The following ENTPD4 variants were observed in gnomAD, a reference collection of about 807,000 sequenced individuals.
ENTPD4 encodes the protein Golgi UDPase.
A neutral mutation model predicts 79.1 loss-of-function variants in ENTPD4; 60 were observed. The ratio of observed to expected loss-of-function variants is 0.76; its 90% confidence interval spans 0.62 to 0.94. The LOEUF (loss-of-function observed/expected upper bound fraction) is 0.94, where lower values mean the gene tolerates loss of function less well. ENTPD4 is among the 40% of genes least tolerant of loss of function. The pLI is 0.00. For missense variants in ENTPD4, 772 were observed against 775.1 expected, an observed-to-expected ratio of 1.00 and a Z score of 0.05; for synonymous variants, 276 against 292.0, an observed-to-expected ratio of 0.95 and a Z score of 0.56.
chr8:23,435,333 G>C, intron 11 of ENTPD4, 59 bp downstream of exon 11: 1 of 1,222,766 alleles, frequency 8.2e-7, no homozygotes. Context: ...CAAGCCAGTG[G>C]GGCCAACACT....
chr8:23,429,439 C>A lies in ENTPD4; in HGVS notation c.*3487G>T, dbSNP rs546245515. 12 of 985,034 alleles carry A rather than the reference C, an allele frequency of 1.2e-5. No individual in the cohort carries two copies. The East Asian group carries it at 1.4e-3, about 112-fold the overall frequency. The allele number at this position is 985,034 out of a possible 1,614,324, so 61.0% of individuals were successfully genotyped here. A position where few individuals can be genotyped will look rare whatever the true frequency, so the allele number is the denominator to read the frequency against. ...AAGGGAAACTTAGTATCAAAAGAAA[C>A]AAAACACTGAAATAAATAACTAAGT... On this transcript the variant is annotated 3_prime_UTR_variant, in exon 13 of 13. Transcript: ENST00000358689.
chr8:23,448,162 C>T (rs1285345532), intron 3 of ENTPD4, among the ~76,000 whole-genome samples: 1 of 152,160 alleles, frequency 6.6e-6, no homozygotes, highest in Admixed American at 6.5e-5. Flanking sequence ...CAAAAATCAG[C>T]TTAAAACATA....
At chr8:23,434,742 G>T (rs1800526216) in intron 11 of ENTPD4, 1 of 1,271,084 alleles carries the variant, frequency 7.9e-7, no homozygotes, top group Non-Finnish European at 1.0e-6. Context: ...CCCTGAGATA[G>T]GTTTCTTTTC....
chr8:23,432,371 C>T lies in ENTPD4; in HGVS notation c.*555G>A, dbSNP rs1472235798. 1 of 985,498 alleles carries T rather than the reference C, an allele frequency of 1.0e-6. No individual in the cohort carries two copies. Among genetic ancestry groups the T allele is most frequent in the Non-Finnish European group, 1.2e-6 (1 of 830,132 alleles). The allele number at this position is 985,498 out of a possible 1,614,324, so 61.0% of individuals were successfully genotyped here. ...CATTCCTTAGAGAAACCCCAGAAATCTCATTTATTTTTGGCAGATATCCTG... is the reference window on the plus strand; with the variant it reads ...CATTCCTTAGAGAAACCCCAGAAATTTCATTTATTTTTGGCAGATATCCTG... On this transcript the variant is annotated 3_prime_UTR_variant, in exon 13 of 13. Transcript: ENST00000358689.
chr8:23,453,359 A>G (rs530117549), intron 1 of ENTPD4, among the ~76,000 whole-genome samples: 11 of 152,314 alleles, frequency 7.2e-5, no homozygotes, highest in African/African-American at 2.6e-4. Flanking sequence ...CAAGTTTAAA[A>G]CTTCTGTGTG....
chr8:23,453,106 G>C (rs995636227), intron 1 of ENTPD4, among the ~76,000 whole-genome samples: 1 of 152,120 alleles, frequency 6.6e-6, no homozygotes, highest in Non-Finnish European at 1.5e-5. Context: ...GGCAGTGGAG[G>C]AAATAAAACA....
At position 23,432,252 on chromosome 8, in the gene ENTPD4, T is replaced by G. The variant is rs561072424; in HGVS notation, c.*674A>C. On this transcript the variant is annotated 3_prime_UTR_variant, in exon 13 of 13. Coordinates refer to ENST00000358689, the MANE Select transcript of ENTPD4 (RefSeq NM_004901.5). Reference sequence around the variant, plus strand: ...TCATTTCAGGCAGTAAGTTTTTTGGTTCTATGAAAGCATCACTATTCAGTC... The same window carrying G: ...TCATTTCAGGCAGTAAGTTTTTTGGGTCTATGAAAGCATCACTATTCAGTC... The G allele has an allele frequency of 4.7e-5, 46 of 985,384 alleles. No individual in the cohort carries two copies. The African/African-American group carries it at 7.0e-4, about 15-fold the overall frequency. The allele number at this position is 985,384 out of a possible 1,614,324, so 61.0% of individuals were successfully genotyped here.
At position 23,431,747 on chromosome 8, in the gene ENTPD4, GA is replaced by G; in HGVS notation, c.*1178del. 1.0e-6 allele frequency: 1 copy of G among 985,480 alleles called. No individual in the cohort carries two copies. The highest frequency in any genetic ancestry group is 1.2e-6 in the Non-Finnish European group (1 of 829,976). 61.0% of individuals were successfully genotyped at this position (985,480 alleles called of 1,614,324 possible). On this transcript the variant is annotated 3_prime_UTR_variant, in exon 13 of 13. Transcript: ENST00000358689. ...GAAGAAACTGAGGCACGATTAAGCA[GA>G]AACACTGAGGAATACTGAGCAAGAA...
Position 23,441,625 on chromosome 8 carries a change from A to G in ENTPD4, c.826T>C (p.Ser276Pro). The G allele has an allele frequency of 6.2e-7, 1 of 1,614,212 alleles. No individual in the cohort carries two copies. Among genetic ancestry groups the G allele is most frequent in the Non-Finnish European group, 8.5e-7 (1 of 1,180,036 alleles). ...GGGACTTCGTACGCTATCTGAGTCG[A>G]CACGCCGCCCATGTCGAGAATGCCC... ...TAGILDMGGV[S>P]TQIAYEVPKT... The change falls in exon 8 of 13, where the codon TCG (serine) becomes CCG (proline). Residue 276 changes from serine (S) to proline (P), a missense_variant. Transcript: ENST00000358689.
chr8:23,449,180 A>G (rs939957166), intron 2 of ENTPD4, among the ~76,000 whole-genome samples: 1 of 152,226 alleles, frequency 6.6e-6, no homozygotes, highest in Non-Finnish European at 1.5e-5. Flanking sequence ...TTCTCTTGAC[A>G]GTATTATGTA....
In ENTPD4 at chr8:23,448,938, T is replaced by C. The variant is rs1329539264; in HGVS notation, c.10A>G (p.Ile4Val). Residue 4 changes from isoleucine (I) to valine (V), a missense_variant and splice_region_variant, in exon 3 of 13, where the codon ATT becomes GTT. By Grantham distance (29) the Ile-to-Val change is conservative. Coordinates refer to ENST00000358689, the MANE Select transcript of ENTPD4 (RefSeq NM_004901.5). MGR[I>V]GISCLFPASW... Reference sequence around the variant, plus strand: ...GCAGGAAAAAGACAGGAGATGCCAATCCTGAAATTAGAAGGAAAAAGATTT... The same window carrying C: ...GCAGGAAAAAGACAGGAGATGCCAACCCTGAAATTAGAAGGAAAAAGATTT... 5.0e-6 allele frequency: 8 copies of C among 1,611,890 alleles called. No homozygotes were observed. Among genetic ancestry groups the C allele is most frequent in the Non-Finnish European group, 6.8e-6 (8 of 1,178,846 alleles).
intron 1 of ENTPD4, among the ~76,000 whole-genome samples, chr8:23,456,608 G>C (rs1018257339): frequency 1.3e-5 from 2 of 152,192 alleles, no homozygotes; most frequent in East Asian, 1.9e-4. Flanking sequence ...CAAGACCTCT[G>C]TTAAGGTAAA....
rs563952685 is a variant in ENTPD4 at position 23,431,040 on chromosome 8, C to G, written c.*1886G>C. ...AATCCAGGTGAGGGAGCCATGCCCC[C>G]ACAGCTCTTGCCTCAAGGATCAGAT... On this transcript the variant is annotated 3_prime_UTR_variant, in exon 13 of 13. Coordinates refer to ENST00000358689, the MANE Select transcript of ENTPD4 (RefSeq NM_004901.5). The G allele has an allele frequency of 7.4e-4, 675 of 913,280 alleles. 3 individuals are homozygous for G. The highest frequency in any genetic ancestry group is 8.6e-4 in the Non-Finnish European group (657 of 764,190). The allele number at this position is 913,280 out of a possible 1,614,324, so 56.6% of individuals were successfully genotyped here.
At chr8:23,453,441 T>G (rs1306704726) in intron 1 of ENTPD4, among the ~76,000 whole-genome samples, 2 of 152,176 alleles carry the variant, frequency 1.3e-5, no homozygotes, top group African/African-American at 4.8e-5. Flanking sequence ...GTAAAGTGCA[T>G]GACAAAGAGT....
intron 1 of ENTPD4, among the ~76,000 whole-genome samples, chr8:23,456,562 A>T (rs1417416879): frequency 6.6e-6 from 1 of 152,216 alleles, no homozygotes; most frequent in Non-Finnish European, 1.5e-5. Context: ...TTAGAGGTAG[A>T]AGAATATAAG....
At chr8:23,434,230 A>T in intron 12 of ENTPD4, 87 bp downstream of exon 12, 7 of 1,540,674 alleles carry the variant, frequency 4.5e-6, no homozygotes, top group Non-Finnish European at 6.2e-6. Flanking sequence ...GCAATGCCCC[A>T]AACAGCCACA....
chr8:23,436,042 G>C (rs1456223534), intron 10 of ENTPD4, among the ~76,000 whole-genome samples: 1 of 152,208 alleles, frequency 6.6e-6, no homozygotes, highest in African/African-American at 2.4e-5. Flanking sequence ...ACACTGCTGA[G>C]AGGTGGGAGA....
Position 23,430,898 on chromosome 8 carries a change from A to G in ENTPD4, c.*2028T>C, listed in dbSNP as rs142296309. ...GCAGGCAGGTGGCCAAGACCAACTTATTAGGTAGCCAGAAGCTCACCCCTT... is the reference window on the plus strand; with the variant it reads ...GCAGGCAGGTGGCCAAGACCAACTTGTTAGGTAGCCAGAAGCTCACCCCTT... On this transcript the variant is annotated 3_prime_UTR_variant, in exon 13 of 13. Coordinates refer to ENST00000358689, the MANE Select transcript of ENTPD4 (RefSeq NM_004901.5). 5.7e-4 allele frequency: 558 copies of G among 985,480 alleles called. 2 individuals are homozygous for G. The Middle Eastern group carries it at 5.7e-3, about 10-fold the overall frequency. The allele number at this position is 985,480 out of a possible 1,614,324, so 61.0% of individuals were successfully genotyped here.
Position 23,430,888 on chromosome 8 carries a change from A to G in ENTPD4, c.*2038T>C, listed in dbSNP as rs1015324290. The stretch of plus-strand genomic sequence containing the variant: ...AGGAAGTGTCGCAGGCAGGTGGCCA[A>G]GACCAACTTATTAGGTAGCCAGAAG... On this transcript the variant is annotated 3_prime_UTR_variant, in exon 13 of 13. Transcript: ENST00000358689. The G allele has an allele frequency of 4.1e-6, 4 of 985,528 alleles. No homozygotes were observed. The highest frequency in any genetic ancestry group is 1.1e-4 in the East Asian group (1 of 8,818). 61.0% of individuals were successfully genotyped at this position (985,528 alleles called of 1,614,324 possible). A position where few individuals can be genotyped will look rare whatever the true frequency, so the allele number is the denominator to read the frequency against.
Sources: allele counts gnomAD v4.1 joint callset (sites outside exome capture counted in the v4.1 genomes callset), GRCh38; gene constraint gnomAD v4.1.1; transcripts MANE v1.5; gene names NCBI Gene and HGNC (gene_info 2026-07-23, HGNC 2026-07-21).